LIPG: variants seen among roughly 807,000 people sequenced by gnomAD.
LIPG encodes the protein lipase G, endothelial type, also known as endothelial lipase.
LIPG carries 34 observed loss-of-function variants against 51.8 expected under a neutral mutation model. That is an observed-to-expected ratio of 0.66 (90% CI 0.50 to 0.87). The LOEUF (loss-of-function observed/expected upper bound fraction) is 0.87, where lower values mean the gene tolerates loss of function less well. Among genes scored for constraint, LIPG ranks in the 40% least tolerant of loss-of-function variants. The pLI, the probability that LIPG is intolerant of heterozygous loss-of-function variation, is 0.00. For synonymous variants in LIPG, 246 were observed against 246.1 expected (o/e 1.00, Z 0.00); for missense variants, 580 against 652.7 (o/e 0.89, Z 1.21).
intron 5 of LIPG, among the ~76,000 whole-genome samples, chr18:49,576,157 CAAAAG>C (rs1178094702): frequency 6.6e-6 from 1 of 151,912 alleles, no homozygotes; most frequent in Admixed American, 6.6e-5. Context: ...CTTTTTATGA[CAAAAG>C]GAATACACAC....
intron 1 of LIPG, among the ~76,000 whole-genome samples, chr18:49,564,414 C>T (rs1568525400): frequency 6.6e-6 from 1 of 152,232 alleles, no homozygotes; most frequent in East Asian, 1.9e-4. Context: ...CCATCAGTGA[C>T]ATGAGCTGCA....
rs2084978801 is a variant in LIPG, at chr18:49,595,680, T to C, written c.*5158T>C. On this transcript the variant is annotated 3_prime_UTR_variant, in exon 10 of 10. Coordinates refer to ENST00000261292, the MANE Select transcript of LIPG (RefSeq NM_006033.4). The stretch of plus-strand genomic sequence containing the variant: ...ACGTCTCTGCTAAAAATACAAAAAT[T>C]AGCTGGGCGTGGTGGCACGTGCCTG... 6.6e-6 allele frequency: 1 copy of C among 152,026 alleles called. No individual in the cohort carries two copies. Among genetic ancestry groups the C allele is most frequent in the Non-Finnish European group, 1.5e-5 (1 of 68,024 alleles). 9.4% of individuals were successfully genotyped at this position (152,026 alleles called of 1,614,324 possible).
At chr18:49,579,763 C>CTTTT (rs879278356) in intron 5 of LIPG, among the ~76,000 whole-genome samples, 22 of 130,340 alleles carry the variant, frequency 1.7e-4, no homozygotes, top group East Asian at 1.2e-3. Context: ...CCTTTCCTTT[C>CTTTT]CTTTCTTTTC....
At chr18:49,567,304 T>G in intron 2 of LIPG, 138 bp from the exon 3 acceptor site, 1 of 827,164 alleles carries the variant, frequency 1.2e-6, no homozygotes, top group Non-Finnish European at 1.9e-6. Flanking sequence ...GTCAGTGCAC[T>G]CCAGCCTGGG....
At chr18:49,571,370 G>T (rs542509334) in intron 4 of LIPG, among the ~76,000 whole-genome samples, 1 of 152,354 alleles carries the variant, frequency 6.6e-6, no homozygotes, top group East Asian at 1.9e-4. Context: ...AAATGAGATG[G>T]GGCTAGGGAG....
At chr18:49,562,050 G>C (rs1055554587), upstream of LIPG, 7 of 1,439,358 alleles carry the variant, frequency 4.9e-6, no homozygotes, top group Admixed American at 2.0e-4. Flanking sequence ...CTCTATAGGA[G>C]CGTGACAGCA....
chr18:49,571,532 G>C (rs1222271136), intron 4 of LIPG, among the ~76,000 whole-genome samples: 4 of 152,296 alleles, frequency 2.6e-5, no homozygotes, highest in African/African-American at 4.8e-5. Flanking sequence ...CCTGAGCATG[G>C]TCCCTTCCCT....
At chr18:49,567,661 A>G (rs1329720166) in intron 3 of LIPG, 40 bp downstream of exon 3, 1 of 1,600,870 alleles carries the variant, frequency 6.2e-7, no homozygotes, top group Non-Finnish European at 8.5e-7. Flanking sequence ...CACCAGCAGG[A>G]TCTCAAACCC....
In LIPG at chr18:49,590,575, G is replaced by A. The variant is rs2084931904; in HGVS notation, c.*53G>A. ...GGCAGCAAGACTTCCTGCTATCCAA[G>A]CCCATGGAGGAAAGTTACTGCTGAG... On this transcript the variant is annotated 3_prime_UTR_variant, in exon 10 of 10. Transcript: ENST00000261292. 4 of 1,557,568 alleles carry A rather than the reference G, an allele frequency of 2.6e-6. No homozygotes were observed. In the South Asian group the frequency reaches 3.5e-5, roughly 14 times the overall value.
At chr18:49,579,018 G>A in intron 5 of LIPG, among the ~76,000 whole-genome samples, 1 of 20 alleles carries the variant, frequency 0.05, no homozygotes, top group Non-Finnish European at 0.1. Context: ...GGGAGAGGGA[G>A]AGGGAGAGGG....
intron 5 of LIPG, among the ~76,000 whole-genome samples, chr18:49,577,789 G>A (rs1300321324): frequency 3.6e-5 from 4 of 110,756 alleles, no homozygotes; most frequent in East Asian, 2.3e-4. Context: ...CTGGCCAGGC[G>A]GGGGGCTGAC....
intron 5 of LIPG, among the ~76,000 whole-genome samples, chr18:49,577,802 C>T (rs2084740901): frequency 8.5e-6 from 1 of 116,968 alleles, no homozygotes; most frequent in Admixed American, 7.5e-5. Context: ...GGGCTGACCC[C>T]CCCACCTCCC....
At chr18:49,587,059 A>G (rs1467532438) in intron 9 of LIPG, among the ~76,000 whole-genome samples, 2 of 149,640 alleles carry the variant, frequency 1.3e-5, no homozygotes, top group African/African-American at 2.5e-5. Flanking sequence ...ACCTGAGGTC[A>G]GGAGTTTGAG....
chr18:49,575,399 G>C lies in LIPG; in HGVS notation c.602G>C (p.Gly201Ala). ...GATCCTGCCGGGCCCATGTTTGAAGGGGCCGACATCCACAAGAGGCTCTCT... is the reference window on the plus strand; with the variant it reads ...GATCCTGCCGGGCCCATGTTTGAAGCGGCCGACATCCACAAGAGGCTCTCT... ...GLDPAGPMFE[G>A]ADIHKRLSPD... The change falls in exon 5 of 10, where the codon GGG becomes GCG. Residue 201 changes from glycine to alanine, a missense_variant. Physicochemically the swap from Gly to Ala is moderately conservative, Grantham distance 60 (BLOSUM62 0). Transcript: ENST00000261292. 2.5e-6 allele frequency: 4 copies of C among 1,613,244 alleles called. No individual in the cohort carries two copies. The highest frequency in any genetic ancestry group is 3.4e-6 in the Non-Finnish European group (4 of 1,180,018).
chr18:49,561,873 G>T, upstream of LIPG: 1 of 1,274,712 alleles, frequency 7.8e-7, no homozygotes. Flanking sequence ...GCGGGGCCGA[G>T]CGTGCGGCGT....
At chr18:49,580,433 G>C (rs1446650009) in intron 5 of LIPG, among the ~76,000 whole-genome samples, 1 of 152,160 alleles carries the variant, frequency 6.6e-6, no homozygotes, top group Non-Finnish European at 1.5e-5. Context: ...AAGTAGCCAT[G>C]ACAATATATA....
rs2084976934 is a variant in LIPG, at chr18:49,595,424, A to G, written c.*4902A>G. The G allele has an allele frequency of 6.6e-6, 1 of 152,220 alleles. No homozygotes were observed. The highest frequency in any genetic ancestry group is 1.5e-5 in the Non-Finnish European group (1 of 68,040). 9.4% of individuals were successfully genotyped at this position (152,220 alleles called of 1,614,324 possible). A position where few individuals can be genotyped will look rare whatever the true frequency, so the allele number is the denominator to read the frequency against. ...CTGAGTCTCTATCTGCTCATTTAAGAAACAGAGACAATACTGCTCAGGGTT... is the reference window on the plus strand; with the variant it reads ...CTGAGTCTCTATCTGCTCATTTAAGGAACAGAGACAATACTGCTCAGGGTT... On this transcript the variant is annotated 3_prime_UTR_variant, in exon 10 of 10. Transcript: ENST00000261292.
rs898790963 is a variant in LIPG, at chr18:49,562,251, G to T, written c.-58G>T. On this transcript the variant is annotated 5_prime_UTR_variant, in exon 1 of 10. Transcript: ENST00000261292. Reference sequence around the variant, plus strand: ...CGGCCGGGATTGCTGGAAACACCAAGAGGTGGTTTTTGTTTTTTAAAACTT... The same window carrying T: ...CGGCCGGGATTGCTGGAAACACCAATAGGTGGTTTTTGTTTTTTAAAACTT... The T allele has an allele frequency of 3.0e-5, 49 of 1,611,716 alleles. No individual in the cohort carries two copies. Among genetic ancestry groups the T allele is most frequent in the Non-Finnish European group, 4.0e-5 (47 of 1,179,892 alleles).
At chr18:49,587,143 G>T (rs1203766768) in intron 9 of LIPG, among the ~76,000 whole-genome samples, 2 of 151,022 alleles carry the variant, frequency 1.3e-5, no homozygotes, top group African/African-American at 4.9e-5. Flanking sequence ...GCATGGTGGT[G>T]TGTGCCTGTA....
Sources: gnomAD v4.1 joint callset for allele counts (sites outside exome capture counted in the v4.1 genomes callset) on GRCh38, gnomAD v4.1.1 for gene constraint, MANE v1.5 for transcripts, NCBI Gene and HGNC (gene_info 2026-07-23, HGNC 2026-07-21) for gene names.